The following PLXNB2 variants were observed in gnomAD, a reference collection of about 807,000 sequenced individuals.
The protein encoded by PLXNB2 is plexin-B2.
In PLXNB2, 85 loss-of-function variants were observed where a neutral mutation model predicts 202.6. The observed-to-expected ratio is 0.42, with a 90% CI of 0.35 to 0.50. PLXNB2 has a LOEUF of 0.50. Ranked by LOEUF, PLXNB2 falls within the 20% of genes least tolerant of loss-of-function variation. PLXNB2 has a pLI of 0.02. For synonymous variants in PLXNB2, 1,239 were observed against 1,137.6 expected (o/e 1.09, Z -1.79); for missense variants, 2,063 against 2,586.2 (o/e 0.80, Z 4.39).
At position 50,278,463 on chromosome 22, in the gene PLXNB2, C is replaced by A; in HGVS notation, c.4704G>T (p.Glu1568Asp). Residue 1568 changes from glutamate to aspartate, a missense_variant, in exon 30 of 37, where the codon GAG (glutamate) becomes GAT (aspartate). By Grantham distance (45) the Glu-to-Asp change is conservative (BLOSUM62 2). Around this residue, in one of 2 missense-constraint regions of PLXNB2, gnomAD observed 760 missense variants for 1,109.4 expected, o/e 0.69. Transcript: ENST00000359337. ...LSKVGVSQQP[E>D]DSQQDLPGER... Reference sequence around the variant, plus strand: ...CCCCAGGCAGGTCCTGCTGGCTGTCCTCCGGCTGCTGGGAGACCCCCACCT... The same window carrying A: ...CCCCAGGCAGGTCCTGCTGGCTGTCATCCGGCTGCTGGGAGACCCCCACCT... 6.4e-7 allele frequency: 1 copy of A among 1,559,166 alleles called. No individual in the cohort carries two copies. The highest frequency in any genetic ancestry group is 8.7e-7 in the Non-Finnish European group (1 of 1,151,804).
chr22:50,288,904 G>A lies in PLXNB2; in HGVS notation c.1252-33C>T, dbSNP rs149855949. The A allele has an allele frequency of 1.3e-3, 2,061 of 1,612,030 alleles. 5 individuals are homozygous for A. Among genetic ancestry groups the A allele is most frequent in the Middle Eastern group, 3.3e-3 (20 of 6,060 alleles). ...CGCGAGGGCAGGCCGGTGAGGGTACGGGCCTTGTGCACAGACGGGCCCTCC... is the reference window on the plus strand; with the variant it reads ...CGCGAGGGCAGGCCGGTGAGGGTACAGGCCTTGTGCACAGACGGGCCCTCC... On this transcript the variant is annotated intron_variant, in intron 4 of 36. Transcript: ENST00000359337. This position sits in a 1 kb window ranked among gnomAD's most constrained non-coding sequence, Gnocchi z 5.0.
intron 1 of PLXNB2, among the ~76,000 whole-genome samples, chr22:50,307,348 G>A (rs1174984119): frequency 6.6e-6 from 1 of 151,772 alleles, no homozygotes; most frequent in African/African-American, 2.4e-5. Flanking sequence ...GTCAACACCG[G>A]GAAGGGAGTG....
At chr22:50,298,596 TA>T (rs2067446118) in intron 1 of PLXNB2, among the ~76,000 whole-genome samples, 1 of 152,214 alleles carries the variant, frequency 6.6e-6, no homozygotes, top group Admixed American at 6.5e-5. Flanking sequence ...CAGTGGGGAC[TA>T]AAATTGGGAG....
rs374426305 is a variant in PLXNB2, at chr22:50,290,000, C to T, written c.585G>A (p.Glu195=). 1.2e-6 allele frequency: 2 copies of T among 1,613,306 alleles called. No individual in the cohort carries two copies. Residue 195 remains glutamate, a synonymous_variant, in exon 3 of 37, where the codon GAG becomes GAA. Transcript: ENST00000359337. This position sits in a 1 kb window ranked among gnomAD's most constrained non-coding sequence, Gnocchi z 8.0. ...TRLLDRTDSR[E]AFEAYTDHAT... is the part of the protein sequence containing the mutation. ...CGTGGTCCGTGTAGGCTTCAAAGGC[C>T]TCCCTGCTGTCAGTCCGGTCCAACA...
rs1470513282 is a variant in PLXNB2 at position 50,278,578 on chromosome 22, C to G, written c.4647+18G>C. On this transcript the variant is annotated intron_variant, in intron 29 of 36. Coordinates refer to ENST00000359337, the MANE Select transcript of PLXNB2 (RefSeq NM_012401.4). ...CCCAGGGTGCCCAGTTCTCGCCCGC[C>G]CCGGCCTACACGCTCACATTGTAGT... The G allele has an allele frequency of 6.2e-7, 1 of 1,609,034 alleles. No individual in the cohort carries two copies.
At chr22:50,280,456 C>G (rs931385852) in intron 25 of PLXNB2, 33 bp downstream of exon 25, 6 of 1,569,822 alleles carry the variant, frequency 3.8e-6, no homozygotes, top group Non-Finnish European at 5.2e-6. Flanking sequence ...CCGCCCCGCC[C>G]GTGGCCCCGC....
At position 50,288,018 on chromosome 22, in the gene PLXNB2, T is replaced by C; in HGVS notation, c.1400A>G (p.Gln467Arg). ...TQDKVFRLPV[Q>R]ECLSYPTCTQ... ...GCAGGTCGGGTAGCTCAGGCACTCC[T>C]GCACCGGCAGCCGGAACACCTAGGG... Residue 467 changes from glutamine to arginine, a missense_variant, in exon 6 of 37, where the codon CAG becomes CGG. Around this residue, in one of 2 missense-constraint regions of PLXNB2, gnomAD observed 1,303 missense variants for 1,476.8 expected, o/e 0.88. Transcript: ENST00000359337. The surrounding 1 kb of genome is among the most constrained non-coding windows in gnomAD (Gnocchi z 5.0). 1 of 1,562,528 alleles carries C rather than the reference T, an allele frequency of 6.4e-7. No homozygotes were observed. The highest frequency in any genetic ancestry group is 1.9e-5 in the Admixed American group (1 of 53,184).
Position 50,288,312 on chromosome 22 carries a change from T to C in PLXNB2, c.1381-275A>G, listed in dbSNP as rs1003761614. Among the ~76,000 whole-genome samples the C allele has an allele frequency of 1.3e-5, 2 of 152,072 alleles. No individual in the cohort carries two copies. Among genetic ancestry groups the C allele is most frequent in the Non-Finnish European group, 2.9e-5 (2 of 68,000 alleles). On this transcript the variant is annotated intron_variant, in intron 5 of 36. Transcript: ENST00000359337. This position sits in a 1 kb window ranked among gnomAD's most constrained non-coding sequence, Gnocchi z 5.0. ...ACTGGCTCCCTCCGAGGGGTGCTCC[T>C]AGGGCTGGCCTGAGGGTCTCTGGCA...
intron 7 of PLXNB2, 62 bp from the exon 8 acceptor site, chr22:50,287,326 T>G (rs1027978126): frequency 1.1e-5 from 16 of 1,442,516 alleles, no homozygotes; most frequent in Non-Finnish European, 1.1e-5. Context: ...CACCTGCCGG[T>G]GACCCGACCT....
chr22:50,301,405 C>T (rs2067673125), intron 1 of PLXNB2: 15 of 841,876 alleles, frequency 1.8e-5, no homozygotes, highest in African/African-American at 1.1e-4. Flanking sequence ...GCCAGGCGCT[C>T]GGGGCACACG....
chr22:50,279,160 C>A, intron 27 of PLXNB2, 149 bp from the exon 28 acceptor site: 1 of 754,392 alleles, frequency 1.3e-6, no homozygotes, highest in Non-Finnish European at 2.1e-6. Flanking sequence ...GCCCCCGAGG[C>A]TTCCCAGATG....
chr22:50,306,892 C>A (rs1390853439), intron 1 of PLXNB2, among the ~76,000 whole-genome samples: 5 of 152,226 alleles, frequency 3.3e-5, no homozygotes. Context: ...CTCCCCAGAT[C>A]TGCCGAATAG....
intron 1 of PLXNB2, among the ~76,000 whole-genome samples, chr22:50,302,583 C>T (rs1184605303): frequency 1.3e-5 from 2 of 152,198 alleles, no homozygotes; most frequent in South Asian, 2.1e-4. Flanking sequence ...CCCACCTTCA[C>T]GCCCTCCTCC....
Position 50,288,066 on chromosome 22 carries a change from A to G in PLXNB2, c.1381-29T>C. The G allele has an allele frequency of 1.3e-6, 2 of 1,518,168 alleles. No homozygotes were observed. Among genetic ancestry groups the G allele is most frequent in the Non-Finnish European group, 1.8e-6 (2 of 1,119,454 alleles). The allele number at this position is 1,518,168 out of a possible 1,614,324, so 94.0% of individuals were successfully genotyped here. On this transcript the variant is annotated intron_variant, in intron 5 of 36. Transcript: ENST00000359337. The surrounding 1 kb of genome is among the most constrained non-coding windows in gnomAD (Gnocchi z 5.0). Reference sequence around the variant, plus strand: ...GGGCAGCGGGGCCGTGAGTGGGACCACAGCAGAGGCCGCACGGGCCTTCCG... The same window carrying G: ...GGGCAGCGGGGCCGTGAGTGGGACCGCAGCAGAGGCCGCACGGGCCTTCCG...
At chr22:50,279,934 G>T in intron 26 of PLXNB2, 71 bp downstream of exon 26, 1 of 1,422,606 alleles carries the variant, frequency 7.0e-7, no homozygotes, top group Non-Finnish European at 9.8e-7. Flanking sequence ...GTACAGATAG[G>T]GGAACGCAGG....
intron 8 of PLXNB2, 76 bp from the exon 9 acceptor site, chr22:50,286,363 G>A (rs1601714503): frequency 2.0e-6 from 2 of 1,021,492 alleles, no homozygotes; most frequent in Non-Finnish European, 3.1e-6. Flanking sequence ...CCCTGGGGCT[G>A]ACTCCTGGGG....
intron 35 of PLXNB2, 71 bp from the exon 36 acceptor site, chr22:50,276,034 G>C: frequency 7.0e-7 from 1 of 1,431,538 alleles, no homozygotes; most frequent in Non-Finnish European, 9.8e-7. Context: ...GAGTAGTACG[G>C]GACGCCCAGG....
In PLXNB2 at chr22:50,284,070, C is replaced by CA. The variant is rs2066231942; in HGVS notation, c.2263+61_2263+62insT. On this transcript the variant is annotated intron_variant, in intron 13 of 36. Transcript: ENST00000359337. This position sits in a 1 kb window ranked among gnomAD's most constrained non-coding sequence, Gnocchi z 8.0. ...CTCCCCACTGCGCCCACCTGTCCCC[C>CA]CACCCACCGCCTTGTGCCCACCCGT... 66 of 1,534,638 alleles carry CA rather than the reference C, an allele frequency of 4.3e-5. No individual in the cohort carries two copies. The highest frequency in any genetic ancestry group is 1.4e-5 in the African/African-American group (1 of 73,260).
chr22:50,282,954 C>T lies in PLXNB2; in HGVS notation c.2817-73G>A, dbSNP rs899400058. ...AGCCCCAGCCCGACCAGGCTGGCCC[C>T]GCCATCCCCTCAGGGCCACTCAGGT... On this transcript the variant is annotated intron_variant, in intron 17 of 36. Transcript: ENST00000359337. 1.2e-4 allele frequency: 189 copies of T among 1,555,256 alleles called. 1 individual carries two copies. The highest frequency in any genetic ancestry group is 6.8e-4 in the African/African-American group (50 of 73,422).
Sources: gnomAD v4.1 joint callset for allele counts (sites outside exome capture counted in the v4.1 genomes callset) on GRCh38, gnomAD v4.1.1 for gene constraint, gnomAD v4.1.1 regional missense constraint, Gnocchi (gnomAD v3.1) non-coding constraint, MANE v1.5 for transcripts, NCBI Gene and HGNC (gene_info 2026-07-23, HGNC 2026-07-21) for gene names.